Variants in DKC1 observed in about 807,000 individuals in gnomAD.
The protein encoded by DKC1 is dyskerin pseudouridine synthase 1, also known as H/ACA ribonucleoprotein complex subunit DKC1.
In DKC1, 4 loss-of-function variants were observed where a neutral mutation model predicts 46.7. That is an observed-to-expected ratio of 0.09 (90% confidence interval 0.04 to 0.20). The LOEUF (loss-of-function observed/expected upper bound fraction) is 0.20. Among genes scored for constraint, DKC1 ranks in the 10% least tolerant of loss-of-function variants. The pLI, the probability that DKC1 is intolerant of heterozygous loss-of-function variation, is 1.00. For synonymous variants in DKC1, 141 were observed against 142.4 expected, an observed-to-expected ratio of 0.99 and a Z score of 0.07; for missense variants, 171 against 404.2, an observed-to-expected ratio of 0.42 and a Z score of 4.95.
intron 13 of DKC1, among the ~76,000 whole-genome samples, chrX:154,775,615 G>A: frequency 8.9e-6 from 1 of 112,266 alleles, no homozygotes; most frequent in Non-Finnish European, 1.9e-5. Flanking sequence ...CAAATGGTAG[G>A]ACAGATGTGT....
At chrX:154,775,504 T>TC (rs1557265598) in intron 13 of DKC1, among the ~76,000 whole-genome samples, 1 of 112,062 alleles carries the variant, frequency 8.9e-6, no homozygotes, top group African/African-American at 3.2e-5. Flanking sequence ...GAATGTGGGC[T>TC]CAGGAATCAG....
intron 10 of DKC1, among the ~76,000 whole-genome samples, chrX:154,772,791 G>A (rs2071840646): frequency 8.9e-6 from 1 of 112,201 alleles, no homozygotes; most frequent in Admixed American, 9.4e-5. Flanking sequence ...ATGGACAGCA[G>A]CAGAAAAGGA....
At chrX:154,763,822 A>G (rs1264082003) in intron 1 of DKC1, among the ~76,000 whole-genome samples, 1 of 111,776 alleles carries the variant, frequency 8.9e-6, no homozygotes, top group African/African-American at 3.3e-5. Flanking sequence ...CAGTTGGGAC[A>G]CAGCGTCGAG....
intron 1 of DKC1, among the ~76,000 whole-genome samples, chrX:154,763,980 G>A (rs1557263887): frequency 1.8e-5 from 2 of 110,587 alleles, no homozygotes; most frequent in East Asian, 5.6e-4. Flanking sequence ...CCAACATGGT[G>A]AAACCCCGTC....
intron 8 of DKC1, chrX:154,768,936 G>A (rs2071786260): frequency 6.0e-6 from 2 of 334,847 alleles, no homozygotes; most frequent in Non-Finnish European, 1.0e-5. Flanking sequence ...GCAGTGAGCC[G>A]AGATTGCGCC....
intron 10 of DKC1, 109 bp from the exon 11 acceptor site, chrX:154,773,022 C>T (rs1341008126): frequency 1.8e-6 from 1 of 545,625 alleles, no homozygotes; most frequent in Non-Finnish European, 3.2e-6. Flanking sequence ...AAAGTAGTAG[C>T]TCAGAGTTTT....
chrX:154,765,370 A>G (rs1489313625), intron 2 of DKC1, 74 bp from the exon 3 acceptor site: 6 of 868,523 alleles, frequency 6.9e-6, no homozygotes, highest in African/African-American at 4.0e-5. Context: ...AAAGGCATAC[A>G]TTTCCATGGC....
At chrX:154,768,181 A>G in intron 7 of DKC1, 121 bp from the exon 8 acceptor site, 1 of 931,226 alleles carries the variant, frequency 1.1e-6, no homozygotes. Context: ...AAATGCTTAT[A>G]TTTTAAGAAG....
At chrX:154,771,187 GTTTTTTTT>G (rs35962335) in intron 10 of DKC1, among the ~76,000 whole-genome samples, 1 of 64,487 alleles carries the variant, frequency 1.6e-5, no homozygotes, top group Non-Finnish European at 2.8e-5. Flanking sequence ...TGGTGGTGGT[GTTTTTTTT>G]TTTTTTTTTT....
chrX:154,767,214 C>G (rs1557264276), intron 6 of DKC1, 42 bp from the exon 7 acceptor site: 1 of 1,210,846 alleles, frequency 8.3e-7, no homozygotes, highest in Admixed American at 2.2e-5. Context: ...TGCACATGTA[C>G]ATTCTGATGA....
Position 154,765,989 on chromosome X carries a change from A to G in DKC1, c.254A>G (p.Asp85Gly). Residue 85 changes from aspartate to glycine, a missense_variant, in exon 4 of 15, where the codon GAC becomes GGC. Around this residue, in one of 4 missense-constraint regions of DKC1, gnomAD observed 41 missense variants for 117.3 expected, o/e 0.35. Coordinates refer to ENST00000369550, the MANE Select transcript of DKC1 (RefSeq NM_001363.5). ...GSNPLKREIG[D>G]YIRTGFINLD... is the part of the protein sequence containing the mutation. ...AATCCTCTGAAGAGAGAGATTGGGG[A>G]CTATATCAGGTAAGTGTTGGGAGGA... 1.7e-6 allele frequency: 2 copies of G among 1,197,686 alleles called. No homozygotes were observed. Among genetic ancestry groups the G allele is most frequent in the Non-Finnish European group, 2.3e-6 (2 of 882,609 alleles).
chrX:154,774,499 C>A, intron 11 of DKC1, 103 bp from the exon 12 acceptor site: 1 of 718,222 alleles, frequency 1.4e-6, no homozygotes, highest in Non-Finnish European at 2.2e-6. Context: ...TGAGGCCCTG[C>A]TGAGAATACA....
intron 9 of DKC1, among the ~76,000 whole-genome samples, 187 bp downstream of exon 9, chrX:154,769,497 T>C (rs782255920): frequency 8.9e-6 from 1 of 112,103 alleles, no homozygotes; most frequent in South Asian, 3.7e-4. Flanking sequence ...GCACAGTGGC[T>C]GATGCCTATA....
Position 154,762,951 on chromosome X carries a change from G to A in DKC1, c.-15G>A, listed in dbSNP as rs373433875. The A allele has an allele frequency of 3.4e-6, 4 of 1,181,312 alleles. No homozygotes were observed. The highest frequency in any genetic ancestry group is 3.7e-5 in the South Asian group (2 of 53,566). On this transcript the variant is annotated 5_prime_UTR_variant, in exon 1 of 15. Coordinates refer to ENST00000369550, the MANE Select transcript of DKC1 (RefSeq NM_001363.5). ...CGGCTGTGGACCGGGCGGCACGCAC[G>A]CGGTGCAGGGTAACATGGCGGATGC...
chrX:154,771,323 TAGGATTAC>T (rs1409265544), intron 10 of DKC1, among the ~76,000 whole-genome samples: 1 of 107,431 alleles, frequency 9.3e-6, no homozygotes, highest in African/African-American at 3.4e-5. Context: ...TCCGAGTAGC[TAGGATTAC>T]AGGTGCACAC....
In DKC1 at chrX:154,774,610, G is replaced by A. The variant is rs782169479; in HGVS notation, c.1164G>A (p.Gln388=). The change falls in exon 12 of 15, where the codon CAG becomes CAA. Residue 388 remains glutamine (Q), a synonymous_variant. Transcript: ENST00000369550. ...CCTTGATGTTCCACCAGGCAAGTCA[G>A]AAGAAGCTGATGATCAAGCAGGGCC... ...RKWGLGPKAS[Q]KKLMIKQGLL... is the part of the protein sequence containing the mutation. 8.3e-7 allele frequency: 1 copy of A among 1,211,421 alleles called. No homozygotes were observed. The highest frequency in any genetic ancestry group is 1.8e-5 in the South Asian group (1 of 56,971).
In DKC1 at chrX:154,777,686, G is replaced by A; in HGVS notation, c.*819G>A. 1 of 111,943 alleles carries A rather than the reference G, an allele frequency of 8.9e-6. No homozygotes were observed. Among genetic ancestry groups the A allele is most frequent in the Middle Eastern group, 4.6e-3 (1 of 218 alleles). The allele number at this position is 111,943 out of a possible 1,213,427, so 9.2% of individuals were successfully genotyped here. ...GGGACCTTTATGTCCTATTTGAAAT[G>A]TGATGCTTTTATGTTTGTTTTCTGG... On this transcript the variant is annotated 3_prime_UTR_variant, in exon 15 of 15. Transcript: ENST00000369550.
intron 4 of DKC1, 30 bp downstream of exon 4, chrX:154,766,028 C>T: frequency 8.9e-7 from 1 of 1,129,377 alleles, no homozygotes; most frequent in Non-Finnish European, 1.2e-6. Context: ...ACTGTGCAAA[C>T]TTACTTTCTT....
intron 11 of DKC1, among the ~76,000 whole-genome samples, 165 bp from the exon 12 acceptor site, chrX:154,774,437 C>T (rs199560578): frequency 8.9e-6 from 1 of 112,016 alleles, no homozygotes; most frequent in African/African-American, 3.2e-5. Flanking sequence ...TTCAACAAGT[C>T]CTGTGTGTGT....
Sources: allele counts gnomAD v4.1 joint callset (sites outside exome capture counted in the v4.1 genomes callset), GRCh38; gene constraint gnomAD v4.1.1; regional missense constraint gnomAD v4.1.1; transcripts MANE v1.5; gene names NCBI Gene and HGNC (gene_info 2026-07-23, HGNC 2026-07-21).